Variants in ADGRF5 observed in about 807,000 individuals in gnomAD.
The protein encoded by ADGRF5 is G-protein coupled receptor 116.
Under a neutral mutation model 132.3 loss-of-function variants are expected in ADGRF5, and 75 were observed. The ratio of observed to expected loss-of-function variants is 0.57; its 90% CI spans 0.47 to 0.69. The LOEUF (loss-of-function observed/expected upper bound fraction) is 0.69. ADGRF5 is among the 30% of genes least tolerant of loss of function. The pLI is 0.00. For missense variants in ADGRF5, 1,516 were observed against 1,630.6 expected, an observed-to-expected ratio of 0.93 and a Z score of 1.21; for synonymous variants, 629 against 597.6, an observed-to-expected ratio of 1.05 and a Z score of -0.77.
intron 1 of ADGRF5, among the ~76,000 whole-genome samples, chr6:46,918,941 A>G (rs557689645): frequency 6.6e-6 from 1 of 152,334 alleles, no homozygotes; most frequent in East Asian, 1.9e-4. Context: ...ATCACTTTGG[A>G]GATTAAAAAC....
intron 1 of ADGRF5, among the ~76,000 whole-genome samples, chr6:46,953,090 G>T (rs1778562397): frequency 6.6e-6 from 1 of 152,206 alleles, no homozygotes; most frequent in African/African-American, 2.4e-5. Flanking sequence ...TACTGAGAGG[G>T]TGAGGCTGGC....
At chr6:46,932,201 C>T (rs183898555) in intron 1 of ADGRF5, among the ~76,000 whole-genome samples, 91 of 152,192 alleles carry the variant, frequency 6.0e-4, no homozygotes, top group African/African-American at 2.2e-3. Flanking sequence ...ACAAATTGAA[C>T]ACTCAAGAAT....
intron 1 of ADGRF5, among the ~76,000 whole-genome samples, chr6:46,952,218 G>A (rs868256307): frequency 2.6e-5 from 4 of 152,180 alleles, no homozygotes; most frequent in African/African-American, 4.8e-5. Flanking sequence ...TTAAGCTCTC[G>A]AGGCCTTTAC....
At chr6:46,950,024 T>C (rs1356911394) in intron 1 of ADGRF5, among the ~76,000 whole-genome samples, 1 of 152,234 alleles carries the variant, frequency 6.6e-6, no homozygotes, top group East Asian at 1.9e-4. Flanking sequence ...AGCCTGATGA[T>C]ATTTTTTGCA....
At chr6:46,918,206 T>C (rs972066394) in intron 1 of ADGRF5, among the ~76,000 whole-genome samples, 27 of 152,336 alleles carry the variant, frequency 1.8e-4, no homozygotes, top group Admixed American at 1.1e-3. Context: ...TGCCCTTAGC[T>C]AATATGTATA....
Position 46,856,913 on chromosome 6 carries a change from G to GA in ADGRF5, c.3775-6dup, listed in dbSNP as rs36044645. Reference sequence around the variant, plus strand: ...AAAGAGTAAAATGAATAATCCCTGAGAAAAAAAAGATTGAAAAGAAGTGCA... The same window carrying GA: ...AAAGAGTAAAATGAATAATCCCTGAGAAAAAAAAAGATTGAAAAGAAGTGCA... On this transcript the variant is annotated splice_polypyrimidine_tract_variant and splice_region_variant and intron_variant, in intron 17 of 20. Transcript: ENST00000283296. The GA allele has an allele frequency of 1.5e-3, 2,386 of 1,599,112 alleles. 25 individuals are homozygous for GA. The African/African-American group carries it at 0.027, about 18-fold the overall frequency.
At chr6:46,928,704 T>G (rs973262718) in intron 1 of ADGRF5, among the ~76,000 whole-genome samples, 1 of 152,120 alleles carries the variant, frequency 6.6e-6, no homozygotes, top group Non-Finnish European at 1.5e-5. Flanking sequence ...TATCACACTA[T>G]TTTTCTAAAG....
chr6:46,890,510 G>A (rs1004014578), intron 3 of ADGRF5, among the ~76,000 whole-genome samples: 1 of 141,846 alleles, frequency 7.0e-6, no homozygotes, highest in Admixed American at 7.2e-5. Context: ...TTGAGGTCAG[G>A]AGTTCGAGAC....
chr6:46,903,241 T>G (rs1046789406), intron 2 of ADGRF5, among the ~76,000 whole-genome samples: 12 of 152,290 alleles, frequency 7.9e-5, no homozygotes, highest in African/African-American at 2.9e-4. Flanking sequence ...GGGCTCCCAG[T>G]GCTCGGCAGT....
At chr6:46,907,020 T>C (rs1775454941) in intron 1 of ADGRF5, among the ~76,000 whole-genome samples, 2 of 152,142 alleles carry the variant, frequency 1.3e-5, no homozygotes, top group African/African-American at 4.8e-5. Flanking sequence ...TGCCTGTAAA[T>C]AGGACAAAGG....
intron 4 of ADGRF5, among the ~76,000 whole-genome samples, chr6:46,885,565 G>T (rs1170256020): frequency 6.6e-6 from 1 of 152,228 alleles, no homozygotes; most frequent in African/African-American, 2.4e-5. Flanking sequence ...TCAAATTAAA[G>T]TGAGACCCTC....
intron 1 of ADGRF5, among the ~76,000 whole-genome samples, chr6:46,911,942 C>A (rs1173146645): frequency 2.0e-5 from 3 of 152,068 alleles, no homozygotes; most frequent in South Asian, 2.1e-4. Context: ...GAACAGTAAT[C>A]ATAATATTAA....
At chr6:46,943,634 C>T (rs560705372) in intron 1 of ADGRF5, among the ~76,000 whole-genome samples, 5 of 152,310 alleles carry the variant, frequency 3.3e-5, no homozygotes, top group Non-Finnish European at 7.4e-5. Context: ...AACTAGTTAG[C>T]TACTCCCATT....
At chr6:46,904,170 T>C (rs1026856698) in intron 2 of ADGRF5, among the ~76,000 whole-genome samples, 8 of 152,178 alleles carry the variant, frequency 5.3e-5, no homozygotes, top group Admixed American at 3.3e-4. Context: ...TCTGGGCAGA[T>C]CCATGCTTAC....
chr6:46,882,376 A>T (rs1772572116), intron 6 of ADGRF5, among the ~76,000 whole-genome samples: 2 of 152,186 alleles, frequency 1.3e-5, no homozygotes, highest in Non-Finnish European at 2.9e-5. Context: ...AGCAGGGAAG[A>T]CAGAGAGAGC....
intron 1 of ADGRF5, among the ~76,000 whole-genome samples, chr6:46,928,876 A>G (rs1468411173): frequency 6.6e-6 from 1 of 152,142 alleles, no homozygotes; most frequent in Non-Finnish European, 1.5e-5. Context: ...AAATAGGAAC[A>G]CTTTTACACT....
chr6:46,868,169 T>C (rs1408520529), intron 12 of ADGRF5, among the ~76,000 whole-genome samples: 1 of 152,062 alleles, frequency 6.6e-6, no homozygotes, highest in Admixed American at 6.5e-5. Flanking sequence ...TGGCTAAGAG[T>C]TGACCACTGG....
intron 17 of ADGRF5, among the ~76,000 whole-genome samples, chr6:46,857,527 T>C (rs1482075618): frequency 6.6e-5 from 10 of 152,202 alleles, no homozygotes; most frequent in African/African-American, 2.4e-4. Context: ...ACCTCTGTTA[T>C]AGTTCTTCTA....
chr6:46,919,303 T>C (rs1335024294), intron 1 of ADGRF5, among the ~76,000 whole-genome samples: 1 of 152,218 alleles, frequency 6.6e-6, no homozygotes, highest in African/African-American at 2.4e-5. Context: ...AAAAAATTCA[T>C]TGTGCCATTG....
Sources: allele counts gnomAD v4.1 joint callset (sites outside exome capture counted in the v4.1 genomes callset), GRCh38; gene constraint gnomAD v4.1.1; transcripts MANE v1.5; gene names NCBI Gene and HGNC (gene_info 2026-07-23, HGNC 2026-07-21).